DAPK2: variants seen among roughly 807,000 people sequenced by gnomAD.
DAPK2 encodes the protein death-associated protein kinase 2.
In DAPK2, 35 loss-of-function variants were observed where a neutral mutation model predicts 44.1. The ratio of observed to expected loss-of-function variants is 0.79; its 90% CI spans 0.61 to 1.05. The LOEUF is 1.05. Among genes scored for constraint, DAPK2 ranks in the 50% least tolerant of loss-of-function variants. The pLI, the probability that DAPK2 is intolerant of heterozygous loss-of-function variation, is 0.00. For synonymous variants in DAPK2, 174 were observed against 182.6 expected (o/e 0.95, Z 0.38); for missense variants, 453 against 483.2 (o/e 0.94, Z 0.59).
intron 1 of DAPK2, among the ~76,000 whole-genome samples, chr15:64,014,952 CATT>C (rs2079484461): frequency 6.7e-6 from 1 of 149,664 alleles, no homozygotes; most frequent in African/African-American, 2.5e-5. Flanking sequence ...AACATTCTGA[CATT>C]GTTGAAGGAG....
At chr15:64,037,225 C>G (rs2080235484) in intron 1 of DAPK2, among the ~76,000 whole-genome samples, 2 of 152,202 alleles carry the variant, frequency 1.3e-5, no homozygotes, top group African/African-American at 4.8e-5. Context: ...TGTAACGCTG[C>G]TTGCCCCGGC....
At chr15:64,035,252 T>G (rs551489475) in intron 1 of DAPK2, among the ~76,000 whole-genome samples, 1 of 152,284 alleles carries the variant, frequency 6.6e-6, no homozygotes, top group Admixed American at 6.5e-5. Context: ...CTGCTTACGT[T>G]AAATTACTTT....
chr15:63,929,252 C>G (rs2079434238), intron 6 of DAPK2, among the ~76,000 whole-genome samples: 1 of 151,138 alleles, frequency 6.6e-6, no homozygotes, highest in Non-Finnish European at 1.5e-5. Flanking sequence ...CAGTATACCT[C>G]AGTCTGGGGG....
intron 1 of DAPK2, among the ~76,000 whole-genome samples, chr15:64,018,564 G>A (rs192418641): frequency 6.6e-6 from 1 of 152,260 alleles, no homozygotes; most frequent in Non-Finnish European, 1.5e-5. Flanking sequence ...CTCCCAGACT[G>A]GAAATGGCCA....
intron 3 of DAPK2, among the ~76,000 whole-genome samples, chr15:63,962,086 T>C (rs540410660): frequency 1.6e-4 from 24 of 152,346 alleles, no homozygotes; most frequent in African/African-American, 5.3e-4. Flanking sequence ...CTTCATTTCA[T>C]TCATTTGATC....
At chr15:63,932,149 A>C (rs2076974619) in intron 4 of DAPK2, among the ~76,000 whole-genome samples, 1 of 139,926 alleles carries the variant, frequency 7.1e-6, no homozygotes, top group Admixed American at 7.5e-5. Flanking sequence ...CCTGGGTGAC[A>C]GAGTGAGACC....
At chr15:63,989,309 ATCATACCACTGCACT>A (rs893639669) in intron 1 of DAPK2, among the ~76,000 whole-genome samples, 54 of 152,082 alleles carry the variant, frequency 3.6e-4, no homozygotes, top group African/African-American at 1.2e-3. Context: ...GTGAGCTATG[ATCATACCACTGCACT>A]TCATACCACT....
chr15:64,036,305 G>GATA (rs2080186494), intron 1 of DAPK2, among the ~76,000 whole-genome samples: 1 of 50,804 alleles, frequency 2.0e-5, no homozygotes, highest in South Asian at 5.2e-4. Flanking sequence ...GTGTGTGTGT[G>GATA]TGTGTATATA....
rs1453611219 is a variant in DAPK2, at chr15:64,036,333, A to ATG, written c.92+3836_92+3837insCA. ...TGTATATATATGTATATATATATAT[A>ATG]TATACATATATATATATATATTTTA... is the stretch of plus-strand genomic sequence containing the variant. On this transcript the variant is annotated intron_variant, in intron 1 of 10. Coordinates refer to ENST00000261891, the Ensembl canonical transcript of DAPK2. Among the ~76,000 whole-genome samples, 54 of 122,400 alleles carry ATG rather than the reference A, an allele frequency of 4.4e-4. 2 individuals are homozygous for ATG. The highest frequency in any genetic ancestry group is 3.2e-3 in the East Asian group (8 of 2,470). 80.3% of individuals were successfully genotyped at this position (122,400 alleles called of 152,430 possible).
At chr15:63,933,351 C>T (rs189334348) in intron 4 of DAPK2, among the ~76,000 whole-genome samples, 4 of 152,240 alleles carry the variant, frequency 2.6e-5, no homozygotes, top group Admixed American at 2.6e-4. Context: ...TCAAGTGATT[C>T]TCCTGCCTCA....
At chr15:64,022,258 T>C (rs1344903476) in intron 1 of DAPK2, among the ~76,000 whole-genome samples, 1 of 152,202 alleles carries the variant, frequency 6.6e-6, no homozygotes, top group Non-Finnish European at 1.5e-5. Flanking sequence ...AACACTGTTA[T>C]TACTAAAAGA....
At chr15:63,918,120 C>G (rs370237828) in intron 8 of DAPK2, 17 of 152,250 alleles carry the variant, frequency 1.1e-4, no homozygotes, top group African/African-American at 4.1e-4. Context: ...CAGACATTTA[C>G]AGAAGATTGA....
chr15:63,964,075 C>T (rs976500824), intron 3 of DAPK2, among the ~76,000 whole-genome samples: 1 of 152,190 alleles, frequency 6.6e-6, no homozygotes, highest in African/African-American at 2.4e-5. Flanking sequence ...TCTTATTGCT[C>T]ATTAATGTCC....
chr15:64,014,364 G>A (rs754655775), intron 1 of DAPK2, among the ~76,000 whole-genome samples: 44 of 152,340 alleles, frequency 2.9e-4, no homozygotes, highest in Middle Eastern at 3.4e-3. Context: ...TGCCTGAAAA[G>A]GACCTTTGAT....
At chr15:63,929,157 C>T (rs2079424665) in intron 6 of DAPK2, among the ~76,000 whole-genome samples, 1 of 151,090 alleles carries the variant, frequency 6.6e-6, no homozygotes, top group South Asian at 2.1e-4. Flanking sequence ...CAAGATCACG[C>T]CACTGCACTC....
intron 3 of DAPK2, among the ~76,000 whole-genome samples, chr15:63,954,440 C>T (rs13329650): frequency 0.026 from 3,936 of 152,178 alleles, 172 homozygotes; most frequent in African/African-American, 0.086. Flanking sequence ...GCACCGTTGT[C>T]GAAAATGAGT....
chr15:63,944,114 C>T (rs747652476), intron 3 of DAPK2, among the ~76,000 whole-genome samples: 49 of 152,098 alleles, frequency 3.2e-4, no homozygotes, highest in Non-Finnish European at 6.0e-4. Flanking sequence ...GATGAGAAAA[C>T]GGAGGTCCTG....
exon 7 of DAPK2, chr15:63,925,948 C>T (rs769438263): frequency 6.2e-7 from 1 of 1,614,150 alleles, no homozygotes; most frequent in Admixed American, 1.7e-5. Context: ...TACCGGGTCT[C>T]TTTAACCAGA....
At chr15:64,041,685 T>A (rs1045001871), upstream of DAPK2, among the ~76,000 whole-genome samples, 8 of 152,198 alleles carry the variant, frequency 5.3e-5, no homozygotes, top group Admixed American at 5.2e-4. Context: ...AAAAGACTAT[T>A]TTCACCAGGC....
Sources: allele counts gnomAD v4.1 joint callset (sites outside exome capture counted in the v4.1 genomes callset), GRCh38; gene constraint gnomAD v4.1.1; transcripts MANE v1.5; gene names NCBI Gene and HGNC (gene_info 2026-07-23, HGNC 2026-07-21).